Variants in MARCHF7 observed in about 807,000 individuals in gnomAD.
MARCHF7 encodes E3 ubiquitin-protein ligase MARCHF7.
Under a neutral mutation model 76.5 loss-of-function variants are expected in MARCHF7, and 20 were observed. The observed-to-expected ratio is 0.26, with a 90% CI of 0.18 to 0.38. The LOEUF is 0.38. Ranked by LOEUF, MARCHF7 falls within the 10% of genes least tolerant of loss-of-function variation. The pLI, the probability that MARCHF7 is intolerant of heterozygous loss-of-function variation, is 1.00. For synonymous variants in MARCHF7, 295 were observed against 293.0 expected, an observed-to-expected ratio of 1.01 and a Z score of -0.07; for missense variants, 797 against 812.9, an observed-to-expected ratio of 0.98 and a Z score of 0.24.
chr2:159,752,351 A>AC, intron 7 of MARCHF7, 51 bp from the exon 8 acceptor site: 18 of 1,468,986 alleles, frequency 1.2e-5, no homozygotes, highest in Non-Finnish European at 1.5e-5. Flanking sequence ...GACTGAAGTA[A>AC]CCAACCAGGA....
intron 8 of MARCHF7, among the ~76,000 whole-genome samples, chr2:159,756,515 C>T (rs899821556): frequency 6.6e-5 from 10 of 151,570 alleles, no homozygotes; most frequent in East Asian, 1.9e-4. Context: ...GGTGAAACCC[C>T]GTCTCTACTG....
chr2:159,746,733 A>G lies in MARCHF7; in HGVS notation c.514+796A>G, dbSNP rs991810340. ...GTATCATTGTACATAGCCTTAAACTATCATACTAAGTAACTGAAGAAAAAG... is the reference window on the plus strand; with the variant it reads ...GTATCATTGTACATAGCCTTAAACTGTCATACTAAGTAACTGAAGAAAAAG... On this transcript the variant is annotated intron_variant, in intron 6 of 11. Transcript: ENST00000409175. Among the ~76,000 whole-genome samples, 3 of 152,202 alleles carry G rather than the reference A, an allele frequency of 2.0e-5. 1 individual carries two copies. Among genetic ancestry groups the G allele is most frequent in the East Asian group, 3.8e-4 (2 of 5,196 alleles).
At chr2:159,713,592 G>T (rs1168411907) in intron 1 of MARCHF7, among the ~76,000 whole-genome samples, 1 of 152,060 alleles carries the variant, frequency 6.6e-6, no homozygotes, top group Non-Finnish European at 1.5e-5. Flanking sequence ...ATGAATTTTC[G>T]ATTTAAAAAT....
intron 6 of MARCHF7, among the ~76,000 whole-genome samples, chr2:159,747,027 A>G (rs1225789641): frequency 1.3e-5 from 2 of 152,218 alleles, no homozygotes; most frequent in Non-Finnish European, 2.9e-5. Flanking sequence ...ATAAAGCTCC[A>G]TATATCAGCA....
intron 3 of MARCHF7, among the ~76,000 whole-genome samples, chr2:159,721,630 C>G (rs1184183140): frequency 6.6e-6 from 1 of 152,158 alleles, no homozygotes; most frequent in African/African-American, 2.4e-5. Context: ...GGCTTTGTAG[C>G]TAATTAGATT....
intron 5 of MARCHF7, 93 bp downstream of exon 5, chr2:159,743,346 A>G: frequency 3.4e-6 from 4 of 1,178,568 alleles, no homozygotes; most frequent in Non-Finnish European, 4.8e-6. Flanking sequence ...TAGATTTTAT[A>G]TGAAGACAGT....
intron 8 of MARCHF7, among the ~76,000 whole-genome samples, chr2:159,754,800 C>G (rs1706087087): frequency 6.6e-6 from 1 of 152,132 alleles, no homozygotes; most frequent in Non-Finnish European, 1.5e-5. Flanking sequence ...TTTATGACTC[C>G]CTGTGTTAAT....
At chr2:159,747,249 G>A (rs1479183039) in intron 6 of MARCHF7, among the ~76,000 whole-genome samples, 1 of 151,920 alleles carries the variant, frequency 6.6e-6, no homozygotes, top group Non-Finnish European at 1.5e-5. Context: ...GGAACTATAG[G>A]ATAAGAACCA....
chr2:159,740,584 A>G (rs1704013172), intron 4 of MARCHF7, among the ~76,000 whole-genome samples: 1 of 152,206 alleles, frequency 6.6e-6, no homozygotes, highest in South Asian at 2.1e-4. Flanking sequence ...TGATGATGGC[A>G]TATGAAATGG....
chr2:159,748,963 T>C, intron 7 of MARCHF7, 60 bp downstream of exon 7: 1 of 1,289,948 alleles, frequency 7.8e-7, no homozygotes, highest in South Asian at 1.8e-5. Context: ...ACTCTTCATT[T>C]CTTTTTTTTC....
chr2:159,727,500 A>G lies in MARCHF7; in HGVS notation c.-14-1509A>G, dbSNP rs565477771. 1.1e-3 allele frequency among the ~76,000 whole-genome samples: 168 copies of G among 152,304 alleles called. 1 individual carries two copies. In the Middle Eastern group the frequency reaches 0.041, roughly 37 times the overall value. ...CTCCTTGGGAGGCTGAGGCGGGACA[A>G]TGGCGTGAACCCAGGAGGTGGAGCT... On this transcript the variant is annotated intron_variant, in intron 3 of 11. Transcript: ENST00000409175.
At chr2:159,760,137 A>G (rs1271406788) in intron 9 of MARCHF7, among the ~76,000 whole-genome samples, 1 of 152,218 alleles carries the variant, frequency 6.6e-6, no homozygotes, top group Non-Finnish European at 1.5e-5. Flanking sequence ...GCCCCTGGCA[A>G]CTACCAGTCT....
At chr2:159,733,859 C>T (rs1360402440) in intron 4 of MARCHF7, 3 of 1,192,266 alleles carry the variant, frequency 2.5e-6, no homozygotes, top group Non-Finnish European at 3.1e-6. Context: ...ATGTAATATA[C>T]TTGAGCTTAA....
At chr2:159,719,141 A>G (rs1189784721) in intron 3 of MARCHF7, among the ~76,000 whole-genome samples, 1 of 152,088 alleles carries the variant, frequency 6.6e-6, no homozygotes, top group African/African-American at 2.4e-5. Context: ...CCGCCCGGCT[A>G]AATCTTTTTT....
At chr2:159,749,119 C>G (rs1705286862) in intron 7 of MARCHF7, among the ~76,000 whole-genome samples, 1 of 151,626 alleles carries the variant, frequency 6.6e-6, no homozygotes, top group African/African-American at 2.4e-5. Flanking sequence ...GCTGGGACTA[C>G]AGGTGCACTC....
chr2:159,719,933 T>G (rs1701446901), intron 3 of MARCHF7, among the ~76,000 whole-genome samples: 1 of 152,210 alleles, frequency 6.6e-6, no homozygotes, highest in African/African-American at 2.4e-5. Context: ...ATGACCTTTA[T>G]TATTGCTTTA....
chr2:159,734,214 AG>A, intron 4 of MARCHF7: 1 of 793,892 alleles, frequency 1.3e-6, no homozygotes, highest in African/African-American at 1.8e-5. Context: ...TAATCTGTTT[AG>A]TGTTTGTTCT....
intron 10 of MARCHF7, among the ~76,000 whole-genome samples, chr2:159,763,434 T>C (rs572442127): frequency 1.4e-4 from 22 of 152,370 alleles, no homozygotes; most frequent in African/African-American, 5.3e-4. Flanking sequence ...AGTGTCCATA[T>C]TACAAAGTAT....
chr2:159,714,099 C>A (rs1480935835), intron 1 of MARCHF7, among the ~76,000 whole-genome samples: 1 of 152,194 alleles, frequency 6.6e-6, no homozygotes. Flanking sequence ...ACACAAAAGT[C>A]ATCCATGACT....
Sources: allele counts gnomAD v4.1 joint callset (sites outside exome capture counted in the v4.1 genomes callset), GRCh38; gene constraint gnomAD v4.1.1; transcripts MANE v1.5; gene names NCBI Gene and HGNC (gene_info 2026-07-23, HGNC 2026-07-21).